NUP98: variants seen among roughly 807,000 people sequenced by gnomAD.
The protein encoded by NUP98 is nucleoporin 98 and 96 precursor, also known as nuclear pore complex protein Nup98-Nup96.
NUP98 carries 26 observed loss-of-function variants against 191.9 expected under a neutral mutation model. That is an observed-to-expected ratio of 0.14 (90% confidence interval 0.10 to 0.19). The LOEUF is 0.19. NUP98 is among the 10% of genes least tolerant of loss of function. The pLI is 1.00. For missense variants in NUP98, 1,941 were observed against 2,178.8 expected (o/e 0.89, Z 2.17); for synonymous variants, 808 against 778.4 (o/e 1.04, Z -0.63).
chr11:3,792,972 G>C (rs1381027860), intron 1 of NUP98, among the ~76,000 whole-genome samples: 1 of 152,066 alleles, frequency 6.6e-6, no homozygotes, highest in African/African-American at 2.4e-5. Flanking sequence ...TTAGCCCAGC[G>C]TGGTGATGTG....
chr11:3,695,506 T>C lies in NUP98; in HGVS notation c.4110A>G (p.Ala1370=). ...GTCTCTCATCCTGGATGAAGGAGTC[T>C]GCTTGGAGCTGATGCCAGTCCACCA... ...MQLVDWHQLQ[A]DSFIQDERLR... The change falls in exon 26 of 33, where the codon GCA becomes GCG. Residue 1370 remains alanine (A), a synonymous_variant. Coordinates refer to ENST00000324932, the MANE Select transcript of NUP98 (RefSeq NM_016320.5). The C allele has an allele frequency of 6.2e-7, 1 of 1,610,494 alleles. No individual in the cohort carries two copies.
intron 4 of NUP98, among the ~76,000 whole-genome samples, chr11:3,778,217 A>AAAG (rs2081821409): frequency 6.6e-6 from 1 of 150,482 alleles, no homozygotes; most frequent in African/African-American, 2.5e-5. Context: ...AAAAAAAAAA[A>AAAG]AAAGAAAGAA....
rs942248053 is a variant in NUP98 at position 3,775,523 on chromosome 11, C to T, written c.495+359G>A. Among the ~76,000 whole-genome samples, 16 of 149,848 alleles carry T rather than the reference C, an allele frequency of 1.1e-4. No homozygotes were observed. The East Asian group carries it at 2.5e-3, about 24-fold the overall frequency. ...CACACTCCAGCCTGGGCAACAAGAG[C>T]GAAACTCCATCTTAAAAAAACAAAA... On this transcript the variant is annotated intron_variant, in intron 5 of 32. Transcript: ENST00000324932.
At chr11:3,762,238 T>C (rs1356950648) in intron 9 of NUP98, among the ~76,000 whole-genome samples, 1 of 151,764 alleles carries the variant, frequency 6.6e-6, no homozygotes, top group Non-Finnish European at 1.5e-5. Flanking sequence ...GCATCTCAAG[T>C]AGCTGGTATT....
At chr11:3,761,695 T>A (rs2081175731) in intron 9 of NUP98, among the ~76,000 whole-genome samples, 1 of 150,860 alleles carries the variant, frequency 6.6e-6, no homozygotes, top group Non-Finnish European at 1.5e-5. Context: ...GAGGCAGAGG[T>A]TGCAGTGAGC....
At position 3,679,718 on chromosome 11, in the gene NUP98, C is replaced by T. The variant is rs1443878816; in HGVS notation, c.4919-10G>A. The T allele has an allele frequency of 1.2e-5, 20 of 1,612,594 alleles. No homozygotes were observed. In the Admixed American group the frequency reaches 2.3e-4, roughly 19 times the overall value. On this transcript the variant is annotated splice_polypyrimidine_tract_variant and intron_variant, in intron 30 of 32. Coordinates refer to ENST00000324932, the MANE Select transcript of NUP98 (RefSeq NM_016320.5). ...TCATTAATGATGGCATCTGAAGAAA[C>T]AAAGTATTGAGCACAATGTCTGCAC...
intron 20 of NUP98, among the ~76,000 whole-genome samples, chr11:3,707,271 G>C (rs2078888440): frequency 6.6e-6 from 1 of 152,030 alleles, no homozygotes. Context: ...AAAATGTCAA[G>C]AGTTATATTT....
At chr11:3,688,820 C>CAT (rs71041372) in intron 28 of NUP98, among the ~76,000 whole-genome samples, 1,403 of 136,228 alleles carry the variant, frequency 0.01, 12 homozygotes, top group South Asian at 0.026. Flanking sequence ...TTTAAATATA[C>CAT]ATATATATAT....
chr11:3,754,593 G>C (rs1443359589), intron 10 of NUP98, among the ~76,000 whole-genome samples: 1 of 152,126 alleles, frequency 6.6e-6, no homozygotes, highest in Non-Finnish European at 1.5e-5. Flanking sequence ...CACGTGAGAA[G>C]TCTTCTTCAC....
intron 11 of NUP98, among the ~76,000 whole-genome samples, chr11:3,752,545 A>G (rs911748220): frequency 1.3e-5 from 2 of 151,806 alleles, no homozygotes; most frequent in Non-Finnish European, 2.9e-5. Context: ...AAATAAATAA[A>G]TAAAAAAGAA....
At chr11:3,679,365 T>C (rs988312744) in intron 31 of NUP98, 189 bp downstream of exon 31, 7 of 726,070 alleles carry the variant, frequency 9.6e-6, no homozygotes, top group Admixed American at 3.9e-5. Flanking sequence ...CAACATAAAA[T>C]AGCATTTTTA....
At chr11:3,718,726 A>C (rs912963477) in intron 18 of NUP98, among the ~76,000 whole-genome samples, 2 of 151,622 alleles carry the variant, frequency 1.3e-5, no homozygotes, top group African/African-American at 4.8e-5. Flanking sequence ...AGAAGCTAGG[A>C]TCTCACACTA....
chr11:3,677,320 T>C (rs2133992876), intron 31 of NUP98, among the ~76,000 whole-genome samples: 1 of 149,968 alleles, frequency 6.7e-6, no homozygotes, highest in East Asian at 2.0e-4. Flanking sequence ...CCCCCAAAGG[T>C]GGGAATTCAA....
intron 1 of NUP98, among the ~76,000 whole-genome samples, chr11:3,783,178 G>A (rs1192096357): frequency 6.6e-6 from 1 of 152,104 alleles, no homozygotes; most frequent in Non-Finnish European, 1.5e-5. Context: ...GATTGCTTGA[G>A]CCCAGGAGTT....
intron 11 of NUP98, among the ~76,000 whole-genome samples, chr11:3,751,102 T>A (rs1351266968): frequency 3.9e-5 from 6 of 152,078 alleles, no homozygotes; most frequent in African/African-American, 1.4e-4. Context: ...CTCACACCTG[T>A]AATCCCAGCA....
chr11:3,785,187 A>C (rs1390479647), intron 1 of NUP98, among the ~76,000 whole-genome samples: 1 of 152,034 alleles, frequency 6.6e-6, no homozygotes, highest in Non-Finnish European at 1.5e-5. Flanking sequence ...GCAAAAACAA[A>C]CAAAAAAAAA....
intron 1 of NUP98, among the ~76,000 whole-genome samples, chr11:3,791,998 T>C (rs2082367999): frequency 6.7e-6 from 1 of 150,244 alleles, no homozygotes; most frequent in Non-Finnish European, 1.5e-5. Context: ...GCTAACACGG[T>C]GAAACCCCAT....
chr11:3,742,487 G>A (rs141564202), intron 12 of NUP98, among the ~76,000 whole-genome samples: 1 of 152,008 alleles, frequency 6.6e-6, no homozygotes, highest in Non-Finnish European at 1.5e-5. Context: ...GATCACCTGA[G>A]GTCAGGAGTT....
intron 14 of NUP98, among the ~76,000 whole-genome samples, chr11:3,730,811 A>T (rs2079816653): frequency 6.6e-6 from 1 of 152,110 alleles, no homozygotes; most frequent in African/African-American, 2.4e-5. Context: ...TTTAAAAGCA[A>T]CAACAAAAAA....
Sources: gnomAD v4.1 joint callset for allele counts (sites outside exome capture counted in the v4.1 genomes callset) on GRCh38, gnomAD v4.1.1 for gene constraint, MANE v1.5 for transcripts, NCBI Gene and HGNC (gene_info 2026-07-23, HGNC 2026-07-21) for gene names.